Variants in NTM observed in about 807,000 individuals in gnomAD.
The protein encoded by NTM is IgLON family member 2.
Under a neutral mutation model 42.1 loss-of-function variants are expected in NTM, and 13 were observed. That is an observed-to-expected ratio of 0.31 (90% CI 0.20 to 0.49). The LOEUF is 0.49. Ranked by LOEUF, NTM falls within the 20% of genes least tolerant of loss-of-function variation. NTM has a pLI of 0.99. For missense variants in NTM, 373 were observed against 452.8 expected (o/e 0.82, Z 1.60); for synonymous variants, 187 against 179.2 (o/e 1.04, Z -0.35).
At chr11:131,452,009 C>G (rs1950524995) in intron 1 of NTM, among the ~76,000 whole-genome samples, 1 of 152,238 alleles carries the variant, frequency 6.6e-6, no homozygotes, top group South Asian at 2.1e-4. Context: ...CCTGGCTCCT[C>G]TGGGCTGCCG....
intron 1 of NTM, among the ~76,000 whole-genome samples, chr11:131,764,744 G>A (rs1178701071): frequency 6.6e-6 from 1 of 152,144 alleles, no homozygotes; most frequent in African/African-American, 2.4e-5. Flanking sequence ...GCTACCAGTT[G>A]ATGAGATTAA....
chr11:131,800,579 G>A (rs528000906), intron 1 of NTM, among the ~76,000 whole-genome samples: 1 of 152,310 alleles, frequency 6.6e-6, no homozygotes, highest in African/African-American at 2.4e-5. Context: ...GTTCCCCTGA[G>A]CCTGGCATGC....
intron 3 of NTM, among the ~76,000 whole-genome samples, chr11:132,161,362 T>C (rs1330497164): frequency 1.4e-5 from 2 of 144,944 alleles, no homozygotes; most frequent in Non-Finnish European, 3.0e-5. Flanking sequence ...ATTTGGTCTT[T>C]CGAGCAGCTT....
At chr11:131,737,850 G>A (rs963118825) in intron 1 of NTM, among the ~76,000 whole-genome samples, 5 of 152,050 alleles carry the variant, frequency 3.3e-5, no homozygotes, top group Admixed American at 6.6e-5. Flanking sequence ...TTGACACCGC[G>A]GGCCCCAGGT....
chr11:132,269,543 T>G (rs2093378892), intron 4 of NTM, among the ~76,000 whole-genome samples: 1 of 152,222 alleles, frequency 6.6e-6, no homozygotes, highest in African/African-American at 2.4e-5. Flanking sequence ...GTAGTTCAAT[T>G]TATGTAAACA....
chr11:131,795,561 G>A (rs992849544), intron 1 of NTM: 1 of 985,452 alleles, frequency 1.0e-6, no homozygotes, highest in Non-Finnish European at 1.2e-6. Flanking sequence ...ACAGCATGAT[G>A]TTTGCATAAC....
chr11:131,904,242 T>A (rs1023518909), intron 1 of NTM, among the ~76,000 whole-genome samples: 1 of 152,080 alleles, frequency 6.6e-6, no homozygotes, highest in Non-Finnish European at 1.5e-5. Context: ...TCTAGGTGAT[T>A]GTTTAGGGAG....
chr11:131,433,674 T>TG (rs2135930036), intron 1 of NTM, among the ~76,000 whole-genome samples: 1 of 152,348 alleles, frequency 6.6e-6, no homozygotes, highest in East Asian at 1.9e-4. Context: ...TTTAGAAATG[T>TG]GCCTCTCTGA....
chr11:132,323,509 G>A (rs927558175), intron 7 of NTM, among the ~76,000 whole-genome samples: 1 of 151,466 alleles, frequency 6.6e-6, no homozygotes, highest in Non-Finnish European at 1.5e-5. Flanking sequence ...ACCAATAACA[G>A]GATCTGAAAT....
In NTM at chr11:132,107,339, C is replaced by CTTCTTTTTTTTT. The variant is rs1640202965; in HGVS notation, c.168-38941_168-38940insCTTTTTTTTTTT. Among the ~76,000 whole-genome samples the CTTCTTTTTTTTT allele has an allele frequency of 2.3e-5, 2 of 88,856 alleles. 1 individual carries two copies. The highest frequency in any genetic ancestry group is 1.0e-4 in the African/African-American group (2 of 19,962). 58.3% of individuals were successfully genotyped at this position (88,856 alleles called of 152,430 possible). ...TGGTAGTTCAAGTAAAAGATTTATC[C>CTTCTTTTTTTTT]TTTTTTTTTTTTTTTTTTTTTTTTT... is the stretch of plus-strand genomic sequence containing the variant. On this transcript the variant is annotated intron_variant, in intron 2 of 8. Coordinates refer to ENST00000683400, the MANE Select transcript of NTM (RefSeq NM_001352005.2).
At chr11:132,275,943 C>CTAA (rs2093709887) in intron 4 of NTM, among the ~76,000 whole-genome samples, 1 of 151,820 alleles carries the variant, frequency 6.6e-6, no homozygotes, top group Non-Finnish European at 1.5e-5. Flanking sequence ...TTTTTCTTGT[C>CTAA]TAATTGTGAC....
chr11:131,749,601 T>C (rs1437179991), intron 1 of NTM, among the ~76,000 whole-genome samples: 1 of 152,164 alleles, frequency 6.6e-6, no homozygotes, highest in Admixed American at 6.5e-5. Context: ...TTGTTTGTTT[T>C]CTTTTGTTTT....
intron 1 of NTM, among the ~76,000 whole-genome samples, chr11:131,716,558 T>C (rs2077709727): frequency 6.6e-6 from 1 of 152,224 alleles, no homozygotes; most frequent in Non-Finnish European, 1.5e-5. Context: ...ATTCTAATTC[T>C]GATAGTGTTA....
intron 1 of NTM, among the ~76,000 whole-genome samples, chr11:131,864,182 T>G (rs2046914159): frequency 6.6e-6 from 1 of 152,112 alleles, no homozygotes; most frequent in Admixed American, 6.5e-5. Flanking sequence ...CCTCTTGAAA[T>G]GTAAAGATTT....
At chr11:131,527,047 G>A (rs1308235556) in intron 1 of NTM, among the ~76,000 whole-genome samples, 3 of 152,176 alleles carry the variant, frequency 2.0e-5, no homozygotes, top group Non-Finnish European at 4.4e-5. Context: ...GCAATGACAA[G>A]TCAGCCTGGC....
intron 1 of NTM, among the ~76,000 whole-genome samples, chr11:131,592,524 C>CAA (rs3040141): frequency 1.5e-5 from 2 of 129,952 alleles, no homozygotes; most frequent in Admixed American, 7.6e-5. Flanking sequence ...ATAGGTCTTT[C>CAA]AAAAAAAAAA....
At chr11:131,587,483 C>G (rs184765587) in intron 1 of NTM, among the ~76,000 whole-genome samples, 10 of 152,006 alleles carry the variant, frequency 6.6e-5, no homozygotes, top group Admixed American at 2.0e-4. Flanking sequence ...GAAGTCCATA[C>G]TCTTGACCAC....
intron 2 of NTM, among the ~76,000 whole-genome samples, chr11:132,145,689 G>A (rs916337306): frequency 7.9e-5 from 12 of 152,214 alleles, no homozygotes; most frequent in Non-Finnish European, 1.5e-5. Context: ...AATAGCAATA[G>A]TGGTGGTCTG....
chr11:131,638,565 A>G (rs2064726936), intron 1 of NTM, among the ~76,000 whole-genome samples: 1 of 96,280 alleles, frequency 1.0e-5, no homozygotes, highest in African/African-American at 3.4e-5. Context: ...GACTCCTTCA[A>G]AAAAAAAAAA....
Sources: gnomAD v4.1 joint callset for allele counts (sites outside exome capture counted in the v4.1 genomes callset) on GRCh38, gnomAD v4.1.1 for gene constraint, MANE v1.5 for transcripts, NCBI Gene and HGNC (gene_info 2026-07-23, HGNC 2026-07-21) for gene names.